GALNT17: variants seen among roughly 807,000 people sequenced by gnomAD.
The protein encoded by GALNT17 is polypeptide N-acetylgalactosaminyltransferase 17.
GALNT17 carries 29 observed loss-of-function variants against 63.7 expected under a neutral mutation model. The ratio of observed to expected loss-of-function variants is 0.46; its 90% CI spans 0.34 to 0.62. GALNT17 has a LOEUF of 0.62. GALNT17 is among the 20% of genes least tolerant of loss of function. GALNT17 has a pLI of 0.01. For synonymous variants in GALNT17, 305 were observed against 318.3 expected (o/e 0.96, Z 0.45); for missense variants, 603 against 799.6 (o/e 0.75, Z 2.97).
Position 71,621,533 on chromosome 7 carries a change from GGATT to G in GALNT17, c.1081-43874_1081-43871del, listed in dbSNP as rs564962461. Among the ~76,000 whole-genome samples, 381 of 70,580 alleles carry G rather than the reference GGATT, an allele frequency of 5.4e-3. 15 individuals are homozygous for G. The highest frequency in any genetic ancestry group is 0.017 in the South Asian group (37 of 2,142). 46.3% of individuals were successfully genotyped at this position (70,580 alleles called of 152,430 possible). A position where few individuals can be genotyped will look rare whatever the true frequency, so the allele number is the denominator to read the frequency against. On this transcript the variant is annotated intron_variant, in intron 6 of 10. Coordinates refer to ENST00000333538, the MANE Select transcript of GALNT17 (RefSeq NM_022479.3). ...TGGATGGATGGATGGATGGATGGAT[GGATT>G]GATGGATTGATGGATAGATGGATGG...
intron 1 of GALNT17, among the ~76,000 whole-genome samples, chr7:71,313,936 T>C (rs1393121963): frequency 6.6e-6 from 1 of 152,186 alleles, no homozygotes; most frequent in African/African-American, 2.4e-5. Context: ...GGGACGTTTT[T>C]GTCATGTGAG....
chr7:71,521,057 G>A (rs1788522248), intron 5 of GALNT17, among the ~76,000 whole-genome samples: 2 of 152,224 alleles, frequency 1.3e-5, no homozygotes, highest in Admixed American at 6.5e-5. Flanking sequence ...AAGATGCCAT[G>A]TGGGTCCTGG....
intron 5 of GALNT17, among the ~76,000 whole-genome samples, chr7:71,570,632 C>T (rs1789424153): frequency 6.6e-6 from 1 of 152,022 alleles, no homozygotes; most frequent in African/African-American, 2.4e-5. Context: ...GAGACCAGCC[C>T]TTACCCCATC....
At chr7:71,706,636 T>G (rs1256117150) in intron 9 of GALNT17, among the ~76,000 whole-genome samples, 1 of 152,222 alleles carries the variant, frequency 6.6e-6, no homozygotes, top group Non-Finnish European at 1.5e-5. Context: ...CTTACCATTT[T>G]GCTTCTAACA....
intron 5 of GALNT17, among the ~76,000 whole-genome samples, chr7:71,477,888 C>T (rs1413888358): frequency 1.3e-5 from 2 of 151,966 alleles, no homozygotes; most frequent in Non-Finnish European, 2.9e-5. Flanking sequence ...CAAATCTTGC[C>T]GACATGCGAC....
At chr7:71,487,125 G>T in intron 5 of GALNT17, among the ~76,000 whole-genome samples, 1 of 152,326 alleles carries the variant, frequency 6.6e-6, no homozygotes, top group East Asian at 1.9e-4. Context: ...TGAGGCATCT[G>T]TTGGAATTGC....
At chr7:71,263,771 A>T (rs11763477) in intron 1 of GALNT17, among the ~76,000 whole-genome samples, 7,664 of 151,994 alleles carry the variant, frequency 0.05, 279 homozygotes, top group East Asian at 0.16. Flanking sequence ...AAAAAATACA[A>T]AAAGTTAGCC....
chr7:71,383,675 C>T (rs1041193708), intron 2 of GALNT17, among the ~76,000 whole-genome samples: 11 of 152,192 alleles, frequency 7.2e-5, no homozygotes, highest in Admixed American at 2.0e-4. Context: ...CTCTAGCACT[C>T]TTCCCACCTT....
chr7:71,701,526 C>T (rs1791631417), intron 9 of GALNT17, among the ~76,000 whole-genome samples: 1 of 151,258 alleles, frequency 6.6e-6, no homozygotes, highest in African/African-American at 2.4e-5. Flanking sequence ...TAAGCAGAAA[C>T]TTGAAAGAGG....
chr7:71,158,769 G>T (rs1788284930), intron 1 of GALNT17, among the ~76,000 whole-genome samples: 2 of 151,602 alleles, frequency 1.3e-5, no homozygotes, highest in African/African-American at 4.9e-5. Flanking sequence ...TAGAGATGGG[G>T]TTTCACCGTG....
intron 1 of GALNT17, among the ~76,000 whole-genome samples, chr7:71,166,483 C>T (rs539006444): frequency 5.9e-5 from 9 of 152,288 alleles, no homozygotes; most frequent in East Asian, 1.9e-4. Context: ...GACTGTGCCT[C>T]GACTCATCCG....
intron 5 of GALNT17, among the ~76,000 whole-genome samples, chr7:71,441,813 C>CA (rs1393093588): frequency 1.3e-5 from 2 of 152,186 alleles, no homozygotes. Flanking sequence ...GACATGAACT[C>CA]ATTCTTTTTA....
chr7:71,286,064 G>A (rs568968627), intron 1 of GALNT17, among the ~76,000 whole-genome samples: 45 of 152,252 alleles, frequency 3.0e-4, no homozygotes, highest in Middle Eastern at 3.4e-3. Context: ...CCCTACTTGG[G>A]GAGAACTATA....
chr7:71,256,796 A>T (rs75575369), intron 1 of GALNT17, among the ~76,000 whole-genome samples: 1 of 152,308 alleles, frequency 6.6e-6, no homozygotes, highest in East Asian at 1.9e-4. Context: ...AACACTGCGT[A>T]TCTCAGTAGC....
At chr7:71,411,209 C>T (rs889211182) in intron 3 of GALNT17, among the ~76,000 whole-genome samples, 2 of 152,180 alleles carry the variant, frequency 1.3e-5, no homozygotes, top group East Asian at 1.9e-4. Context: ...CAACCCCTGC[C>T]CCCTGGGTTC....
chr7:71,366,597 A>AACAG (rs138134190), intron 2 of GALNT17, among the ~76,000 whole-genome samples: 10 of 151,976 alleles, frequency 6.6e-5, no homozygotes, highest in African/African-American at 2.4e-4. Context: ...CAAACAAACA[A>AACAG]GAAATCCTCT....
At chr7:71,515,314 G>GC (rs1788427769) in intron 5 of GALNT17, among the ~76,000 whole-genome samples, 1 of 152,170 alleles carries the variant, frequency 6.6e-6, no homozygotes, top group Non-Finnish European at 1.5e-5. Context: ...ACTGGACTGT[G>GC]CGTCTGCCAG....
At chr7:71,439,067 G>A (rs1787019606) in intron 5 of GALNT17, among the ~76,000 whole-genome samples, 2 of 151,924 alleles carry the variant, frequency 1.3e-5, no homozygotes, top group South Asian at 4.2e-4. Context: ...TTTTAAAATT[G>A]TTTGTAGAGA....
intron 9 of GALNT17, among the ~76,000 whole-genome samples, chr7:71,686,247 G>T (rs746432846): frequency 6.6e-6 from 1 of 152,066 alleles, no homozygotes; most frequent in Admixed American, 6.6e-5. Context: ...AAGCCACGGC[G>T]CCCAGCCTGT....
Sources: gnomAD v4.1 joint callset for allele counts (sites outside exome capture counted in the v4.1 genomes callset) on GRCh38, gnomAD v4.1.1 for gene constraint, MANE v1.5 for transcripts, NCBI Gene and HGNC (gene_info 2026-07-23, HGNC 2026-07-21) for gene names.